Variants in DAB1 observed in about 807,000 individuals in gnomAD.
DAB1 encodes the protein disabled homolog 1.
In DAB1, 15 loss-of-function variants were observed where a neutral mutation model predicts 64.6. The ratio of observed to expected loss-of-function variants is 0.23; its 90% CI spans 0.16 to 0.36. The LOEUF (loss-of-function observed/expected upper bound fraction) is 0.36, where lower values mean the gene tolerates loss of function less well. Among genes scored for constraint, DAB1 ranks in the 10% least tolerant of loss-of-function variants. The probability of loss-of-function intolerance (pLI) is 1.00; values close to 1 mark genes in which losing one functional copy is unlikely to be tolerated. For synonymous variants in DAB1, 235 were observed against 251.9 expected (o/e 0.93, Z 0.64); for missense variants, 596 against 706.7 (o/e 0.84, Z 1.78).
intron 6 of DAB1, among the ~76,000 whole-genome samples, chr1:57,691,360 G>C (rs1558615084): frequency 6.6e-6 from 1 of 152,144 alleles, no homozygotes; most frequent in Non-Finnish European, 1.5e-5. Context: ...GCAGCACTCT[G>C]TAAACTGGAC....
chr1:57,659,286 T>C (rs573354002), intron 6 of DAB1, among the ~76,000 whole-genome samples: 5 of 152,326 alleles, frequency 3.3e-5, no homozygotes, highest in Admixed American at 2.6e-4. Flanking sequence ...TAGTTTATTA[T>C]TTCATTTGAG....
chr1:58,361,042 A>T (rs1299228022), intron 3 of DAB1, among the ~76,000 whole-genome samples: 1 of 152,224 alleles, frequency 6.6e-6, no homozygotes, highest in African/African-American at 2.4e-5. Context: ...AAGATGATTT[A>T]GAAAGTAACA....
chr1:57,195,611 A>C (rs939772457), intron 2 of DAB1, among the ~76,000 whole-genome samples: 1 of 152,344 alleles, frequency 6.6e-6, no homozygotes, highest in South Asian at 2.1e-4. Context: ...CAGGCTCCTA[A>C]CCGGATCCTA....
intron 5 of DAB1, among the ~76,000 whole-genome samples, chr1:57,905,600 T>C (rs1644538342): frequency 6.6e-6 from 1 of 152,128 alleles, no homozygotes; most frequent in Admixed American, 6.6e-5. Context: ...GATAAGTAGG[T>C]ATGAGTCTGA....
In DAB1 at chr1:57,101,480, T is replaced by G. The variant is rs566184465; in HGVS notation, c.307-29066A>C. On this transcript the variant is annotated intron_variant, in intron 4 of 14. Coordinates refer to ENST00000371236, the MANE Select transcript of DAB1 (RefSeq NM_001365792.1). ...AACTTCAGTCTCTGATGTGCAAACC[T>G]CTTTGTCTCTCCCGATAGCTATCTG... 4.6e-5 allele frequency among the ~76,000 whole-genome samples: 7 copies of G among 152,344 alleles called. No homozygotes were observed. The East Asian group carries it at 1.4e-3, about 29-fold the overall frequency.
chr1:58,428,704 C>A (rs1569769326), intron 3 of DAB1, among the ~76,000 whole-genome samples: 1 of 152,130 alleles, frequency 6.6e-6, no homozygotes, highest in East Asian at 1.9e-4. Context: ...GGATTTGCTT[C>A]TAAATACTCT....
intron 5 of DAB1, among the ~76,000 whole-genome samples, chr1:58,016,502 CT>C (rs1252502835): frequency 6.6e-6 from 1 of 152,162 alleles, no homozygotes; most frequent in Non-Finnish European, 1.5e-5. Context: ...TATTTTGTGT[CT>C]GCTAGTCAAA....
chr1:57,851,081 G>C (rs1367333123), intron 1 of DAB1, among the ~76,000 whole-genome samples: 16 of 152,100 alleles, frequency 1.1e-4, no homozygotes, highest in Non-Finnish European at 7.4e-5. Context: ...TTTAAACATA[G>C]GTAAAACCTA....
At chr1:57,609,647 C>T (rs567935929) in intron 7 of DAB1, among the ~76,000 whole-genome samples, 6 of 152,110 alleles carry the variant, frequency 3.9e-5, no homozygotes, top group Non-Finnish European at 7.3e-5. Context: ...GATAGATAGT[C>T]GCTGGTTTTT....
At chr1:57,573,188 AG>A (rs1322226518) in intron 7 of DAB1, among the ~76,000 whole-genome samples, 1 of 152,118 alleles carries the variant, frequency 6.6e-6, no homozygotes, top group Non-Finnish European at 1.5e-5. Context: ...CCTGGGCTCA[AG>A]GGATCCTCCC....
intron 7 of DAB1, among the ~76,000 whole-genome samples, chr1:57,484,508 T>A (rs902593379): frequency 4.6e-5 from 7 of 152,170 alleles, no homozygotes; most frequent in African/African-American, 1.7e-4. Flanking sequence ...TATTTACTTA[T>A]TTTTGTCCTG....
At chr1:57,314,591 A>C (rs1675026983) in intron 1 of DAB1, among the ~76,000 whole-genome samples, 1 of 152,114 alleles carries the variant, frequency 6.6e-6, no homozygotes, top group South Asian at 2.1e-4. Context: ...TTCCCACAGA[A>C]CGCTCTATCT....
chr1:57,892,181 C>T (rs982333601), intron 5 of DAB1, among the ~76,000 whole-genome samples: 1 of 152,090 alleles, frequency 6.6e-6, no homozygotes, highest in African/African-American at 2.4e-5. Context: ...GCATCCTTTT[C>T]GTAGTTTAGA....
At chr1:57,206,584 C>T (rs922863383) in intron 2 of DAB1, among the ~76,000 whole-genome samples, 6 of 152,188 alleles carry the variant, frequency 3.9e-5, no homozygotes, top group African/African-American at 1.4e-4. Context: ...CCATTTACCC[C>T]AGTTTGGGGC....
intron 9 of DAB1, among the ~76,000 whole-genome samples, chr1:57,050,891 A>G (rs960452913): frequency 6.6e-6 from 1 of 152,212 alleles, no homozygotes; most frequent in Non-Finnish European, 1.5e-5. Flanking sequence ...ATTGTAAGGG[A>G]ACTCAAATAG....
At chr1:57,953,960 C>T (rs2100247772) in intron 5 of DAB1, among the ~76,000 whole-genome samples, 1 of 152,220 alleles carries the variant, frequency 6.6e-6, no homozygotes, top group South Asian at 2.1e-4. Context: ...CACCAACTCC[C>T]TTTTTGGTTT....
At chr1:57,441,347 C>CTTTA (rs772403871) in intron 7 of DAB1, among the ~76,000 whole-genome samples, 3,608 of 141,272 alleles carry the variant, frequency 0.026, 165 homozygotes, top group African/African-American at 0.091. Flanking sequence ...TTCTTTCTTT[C>CTTTA]TTTTTTTCTT....
intron 4 of DAB1, among the ~76,000 whole-genome samples, chr1:58,194,434 A>G (rs888368138): frequency 1.3e-5 from 2 of 152,250 alleles, no homozygotes; most frequent in African/African-American, 4.8e-5. Flanking sequence ...AAACAAGTTA[A>G]GGCATAAAAA....
chr1:58,005,135 T>C (rs147553734), intron 5 of DAB1, among the ~76,000 whole-genome samples: 3 of 152,318 alleles, frequency 2.0e-5, no homozygotes, highest in African/African-American at 4.8e-5. Flanking sequence ...ATTTCAATTG[T>C]ATAATTCAAT....
Sources: gnomAD v4.1 joint callset for allele counts (sites outside exome capture counted in the v4.1 genomes callset) on GRCh38, gnomAD v4.1.1 for gene constraint, MANE v1.5 for transcripts, NCBI Gene and HGNC (gene_info 2026-07-23, HGNC 2026-07-21) for gene names.